The following PARD6G variants were observed in gnomAD, a reference collection of about 807,000 sequenced individuals.
PARD6G encodes the protein par-6 family cell polarity regulator gamma.
Under a neutral mutation model 10.7 loss-of-function variants are expected in PARD6G, and 7 were observed. The ratio of observed to expected loss-of-function variants is 0.66; its 90% CI spans 0.37 to 1.23. The LOEUF is 1.23. Ranked by LOEUF, PARD6G falls within the 50% of genes most tolerant of loss-of-function variation. The pLI, the probability that PARD6G is intolerant of heterozygous loss-of-function variation, is 0.02. For synonymous variants in PARD6G, 287 were observed against 269.4 expected, an observed-to-expected ratio of 1.07 and a Z score of -0.64; for missense variants, 548 against 571.8, an observed-to-expected ratio of 0.96 and a Z score of 0.42.
intron 1 of PARD6G, among the ~76,000 whole-genome samples, chr18:80,220,345 A>T (rs1466133558): frequency 1.3e-5 from 2 of 152,202 alleles, no homozygotes; most frequent in Non-Finnish European, 2.9e-5. Flanking sequence ...ACTCAAGATG[A>T]AACTTGGGTG....
In PARD6G at chr18:80,160,032, G is replaced by A. The variant is rs200736485; in HGVS notation, c.870C>T (p.Pro290=). Residue 290 remains proline, a synonymous_variant, in exon 3 of 3, where the codon CCC becomes CCT. Transcript: ENST00000353265. ...TGTCCTCATCGCTCTCCGCCTCGTC[G>A]GGGTGGAAGTTCTGCAGGACGCGCG... The part of the protein sequence containing the change: ...PAPRVLQNFH[P]DEAESDEDND... 188 of 1,537,550 alleles carry A rather than the reference G, an allele frequency of 1.2e-4. No individual in the cohort carries two copies. The highest frequency in any genetic ancestry group is 1.7e-4 in the Middle Eastern group (1 of 5,788).
Position 80,228,034 on chromosome 18 carries a change from G to A in PARD6G, c.72+19243C>T, listed in dbSNP as rs28663153. Among the ~76,000 whole-genome samples, 3,881 of 152,212 alleles carry A rather than the reference G, an allele frequency of 0.025. 160 individuals carry two copies. The highest frequency in any genetic ancestry group is 0.089 in the African/African-American group (3,682 of 41,500). ...CGTATTTTCCTGTGCTGGGCTGAAC[G>A]GTGAAAGAAAAATATGGTCTCCATT... On this transcript the variant is annotated intron_variant, in intron 1 of 2. Coordinates refer to ENST00000353265, the MANE Select transcript of PARD6G (RefSeq NM_032510.4). This position sits in a 1 kb window ranked among gnomAD's most constrained non-coding sequence, Gnocchi z 4.6.
chr18:80,159,280 A>C lies in PARD6G; in HGVS notation c.*491T>G, dbSNP rs1485141679. On this transcript the variant is annotated 3_prime_UTR_variant, in exon 3 of 3. Transcript: ENST00000353265. ...TGGGATTACAGACGTGAGCCACTGC[A>C]CCTGGCTGCATTCGTTATTAAAAAC... 1 of 152,632 alleles carries C rather than the reference A, an allele frequency of 6.6e-6. No individual in the cohort carries two copies. Among genetic ancestry groups the C allele is most frequent in the East Asian group, 1.9e-4 (1 of 5,194 alleles). 9.5% of individuals were successfully genotyped at this position (152,632 alleles called of 1,614,324 possible). A position where few individuals can be genotyped will look rare whatever the true frequency, so the allele number is the denominator to read the frequency against.
At chr18:80,214,999 G>A (rs1449868116) in intron 1 of PARD6G, among the ~76,000 whole-genome samples, 1 of 146,882 alleles carries the variant, frequency 6.8e-6, no homozygotes, top group Non-Finnish European at 1.5e-5. Flanking sequence ...GAGATCATCA[G>A]AGTAAGATTA....
chr18:80,159,877 T>A lies in PARD6G; in HGVS notation c.1025A>T (p.Asp342Val), dbSNP rs1445672685. ...GCTGAGCAGCCGCTGGAGGCCGCCG[T>A]CCAGGGCCAGGTCCCGCTGCAGCCG... ...AQRLQRDLAL[D>V]GGLQRLLSSL... The change falls in exon 3 of 3, where the codon GAC becomes GTC. Residue 342 changes from aspartate to valine, a missense_variant. Physicochemically the swap from Asp to Val is radical, Grantham distance 152. This residue lies in a region of PARD6G where 313 missense variants were observed against 279.9 expected (regional missense o/e 1.12). Coordinates refer to ENST00000353265, the MANE Select transcript of PARD6G (RefSeq NM_032510.4). 1 of 1,514,184 alleles carries A rather than the reference T, an allele frequency of 6.6e-7. No individual in the cohort carries two copies. Among genetic ancestry groups the A allele is most frequent in the Non-Finnish European group, 8.8e-7 (1 of 1,137,026 alleles). The allele number at this position is 1,514,184 out of a possible 1,614,324, so 93.8% of individuals were successfully genotyped here. A position where few individuals can be genotyped will look rare whatever the true frequency, so the allele number is the denominator to read the frequency against.
At chr18:80,220,018 C>T (rs180910116) in intron 1 of PARD6G, among the ~76,000 whole-genome samples, 36 of 152,248 alleles carry the variant, frequency 2.4e-4, no homozygotes, top group Admixed American at 2.0e-3. Context: ...TTAGTCTGTT[C>T]TCACACTGCT....
intron 2 of PARD6G, among the ~76,000 whole-genome samples, chr18:80,176,662 G>A (rs1321637997): frequency 6.6e-6 from 1 of 152,162 alleles, no homozygotes; most frequent in East Asian, 1.9e-4. Context: ...ATATGGGAAA[G>A]AATAAAAGTA....
At chr18:80,210,945 AAGGCCTCTGTT>A (rs1363756580) in intron 1 of PARD6G, among the ~76,000 whole-genome samples, 1 of 148,806 alleles carries the variant, frequency 6.7e-6, no homozygotes, top group African/African-American at 2.5e-5. Flanking sequence ...CAATACATTG[AAGGCCTCTGTT>A]AAAATATGAT....
Position 80,183,505 on chromosome 18 carries a change from G to A in PARD6G, c.295+19205C>T, listed in dbSNP as rs1176926765. Among the ~76,000 whole-genome samples, 2 of 152,136 alleles carry A rather than the reference G, an allele frequency of 1.3e-5. No individual in the cohort carries two copies. Among genetic ancestry groups the A allele is most frequent in the Non-Finnish European group, 2.9e-5 (2 of 68,040 alleles). On this transcript the variant is annotated intron_variant, in intron 2 of 2. Transcript: ENST00000353265. The surrounding 1 kb of genome is among the most constrained non-coding windows in gnomAD (Gnocchi z 4.5). ...CCCCCAAGGCTCAGCACGTGATCCT[G>A]CCGGTCGTACACACAGCCCCAGCTC... is the stretch of plus-strand genomic sequence containing the variant.
At chr18:80,241,203 G>A (rs1454545856) in intron 1 of PARD6G, among the ~76,000 whole-genome samples, 1 of 152,158 alleles carries the variant, frequency 6.6e-6, no homozygotes, top group Admixed American at 6.5e-5. Context: ...CTGTGTCCTG[G>A]TTTGTATTTC....
intron 2 of PARD6G, chr18:80,187,975 AT>A (rs1177254777): frequency 1.3e-5 from 2 of 152,242 alleles, no homozygotes; most frequent in Non-Finnish European, 2.9e-5. Flanking sequence ...ACTTCTAAAC[AT>A]AGATAAGGTG....
intron 1 of PARD6G, among the ~76,000 whole-genome samples, chr18:80,214,489 C>T (rs1967142158): frequency 6.6e-6 from 1 of 151,846 alleles, no homozygotes; most frequent in African/African-American, 2.4e-5. Flanking sequence ...TGATATCTCA[C>T]CAAATAGAGA....
intron 1 of PARD6G, among the ~76,000 whole-genome samples, chr18:80,239,610 G>A (rs904613011): frequency 2.0e-5 from 3 of 152,254 alleles, no homozygotes; most frequent in African/African-American, 7.2e-5. Context: ...TGGAGCTGCT[G>A]AGCTGGCAAC....
rs961412331 is a variant in PARD6G at position 80,247,067 on chromosome 18, G to A, written c.72+210C>T. ...GATGGCCCTCGGCCCTCTGAGCGCC[G>A]CGGCTGCCGGGCTTTGTGTCCGCGC... On this transcript the variant is annotated intron_variant, in intron 1 of 2. Coordinates refer to ENST00000353265, the MANE Select transcript of PARD6G (RefSeq NM_032510.4). This position sits in a 1 kb window ranked among gnomAD's most constrained non-coding sequence, Gnocchi z 4.2. Among the ~76,000 whole-genome samples the A allele has an allele frequency of 6.6e-6, 1 of 152,154 alleles. No individual in the cohort carries two copies. Among genetic ancestry groups the A allele is most frequent in the African/African-American group, 2.4e-5 (1 of 41,454 alleles).
intron 1 of PARD6G, among the ~76,000 whole-genome samples, chr18:80,240,229 C>T (rs916014625): frequency 6.6e-6 from 1 of 152,342 alleles, no homozygotes; most frequent in Admixed American, 6.5e-5. Context: ...TCTCCCTGTT[C>T]CCACAAATCT....
In PARD6G at chr18:80,160,519, C is replaced by T. The variant is rs868324706; in HGVS notation, c.383G>A (p.Arg128Gln). Residue 128 changes from arginine (R) to glutamine (Q), a missense_variant, in exon 3 of 3, where the codon CGG (arginine) becomes CAG (glutamine). Physicochemically the swap from Arg to Gln is conservative, Grantham distance 43 (BLOSUM62 1). This residue lies in a region of PARD6G where 235 missense variants were observed against 291.9 expected (regional missense o/e 0.81). Coordinates refer to ENST00000353265, the MANE Select transcript of PARD6G (RefSeq NM_032510.4). ...GAGGCCGATGTCCAGGTGTGCACGC[C>T]GCCGGGGTCCTTCATCACGCAGCGC... The part of the protein sequence containing the change: ...LGALRDEGPR[R>Q]RAHLDIGLPR... The T allele has an allele frequency of 5.9e-6, 9 of 1,519,352 alleles. No homozygotes were observed. The highest frequency in any genetic ancestry group is 2.3e-5 in the East Asian group (1 of 42,744). 94.1% of individuals were successfully genotyped at this position (1,519,352 alleles called of 1,614,324 possible). A position where few individuals can be genotyped will look rare whatever the true frequency, so the allele number is the denominator to read the frequency against.
intron 1 of PARD6G, among the ~76,000 whole-genome samples, chr18:80,218,263 C>T (rs1021628011): frequency 6.6e-6 from 1 of 152,096 alleles, no homozygotes; most frequent in Non-Finnish European, 1.5e-5. Flanking sequence ...CAAGTCCTTT[C>T]TGCCTATGAG....
rs1387569996 is a variant in PARD6G at position 80,201,775 on chromosome 18, A to C, written c.295+935T>G. ...TACTATGAGGACCCTCGTTTTGCAA[A>C]GCAGGACGCTGGGGTGAAGGAGGCG... On this transcript the variant is annotated intron_variant, in intron 2 of 2. Transcript: ENST00000353265. This position sits in a 1 kb window ranked among gnomAD's most constrained non-coding sequence, Gnocchi z 5.9. Among the ~76,000 whole-genome samples, 1 of 152,230 alleles carries C rather than the reference A, an allele frequency of 6.6e-6. No individual in the cohort carries two copies. The highest frequency in any genetic ancestry group is 1.5e-5 in the Non-Finnish European group (1 of 68,040).
At chr18:80,199,798 T>A (rs1231749982) in intron 2 of PARD6G, among the ~76,000 whole-genome samples, 1 of 152,122 alleles carries the variant, frequency 6.6e-6, no homozygotes, top group African/African-American at 2.4e-5. Flanking sequence ...CACATGCCAC[T>A]ACACCTGGAT....
Sources: allele counts gnomAD v4.1 joint callset (sites outside exome capture counted in the v4.1 genomes callset), GRCh38; gene constraint gnomAD v4.1.1; regional missense constraint gnomAD v4.1.1; non-coding constraint Gnocchi (gnomAD v3.1); transcripts MANE v1.5; gene names NCBI Gene and HGNC (gene_info 2026-07-23, HGNC 2026-07-21).